The following ANO3 variants were observed in gnomAD, a reference collection of about 807,000 sequenced individuals.
ANO3 encodes the protein anoctamin 3, also known as anoctamin-3.
ANO3 carries 99 observed loss-of-function variants against 144.8 expected under a neutral mutation model. The observed-to-expected ratio is 0.68, with a 90% CI of 0.58 to 0.81. ANO3 has a LOEUF of 0.81. Ranked by LOEUF, ANO3 falls within the 30% of genes least tolerant of loss-of-function variation. The pLI is 0.00. For synonymous variants in ANO3, 414 were observed against 392.6 expected (o/e 1.05, Z -0.64); for missense variants, 905 against 1,202.2 (o/e 0.75, Z 3.66).
At chr11:26,206,086 G>A (rs967376379) in intron 1 of ANO3, among the ~76,000 whole-genome samples, 2 of 152,224 alleles carry the variant, frequency 1.3e-5, no homozygotes, top group East Asian at 3.9e-4. Context: ...GGATTTTATT[G>A]CAGATTTTGA....
At chr11:26,258,319 G>A (rs1011780485) in intron 1 of ANO3, among the ~76,000 whole-genome samples, 28 of 152,012 alleles carry the variant, frequency 1.8e-4, no homozygotes, top group South Asian at 8.3e-4. Context: ...TATTATAATC[G>A]TATTCACAAC....
chr11:26,521,119 G>A (rs1862055410), intron 6 of ANO3, among the ~76,000 whole-genome samples: 1 of 152,038 alleles, frequency 6.6e-6, no homozygotes, highest in African/African-American at 2.4e-5. Flanking sequence ...CATAATAAAG[G>A]AATGCTATTC....
chr11:26,255,950 T>C (rs1215604128), intron 1 of ANO3, among the ~76,000 whole-genome samples: 1 of 152,140 alleles, frequency 6.6e-6, no homozygotes, highest in Non-Finnish European at 1.5e-5. Context: ...ACCTCAGCCA[T>C]CTGCCAGTAG....
At chr11:26,274,093 G>GA (rs1853507155) in intron 1 of ANO3, among the ~76,000 whole-genome samples, 1 of 152,058 alleles carries the variant, frequency 6.6e-6, no homozygotes, top group Admixed American at 6.6e-5. Flanking sequence ...GGCAGAGAGT[G>GA]AAAATCTCTT....
chr11:26,225,300 C>T (rs1301384178), intron 1 of ANO3, among the ~76,000 whole-genome samples: 6 of 151,700 alleles, frequency 4.0e-5, no homozygotes, highest in Non-Finnish European at 8.8e-5. Context: ...AATAATAATA[C>T]AAGATTATAA....
At chr11:26,268,251 G>T (rs1377777479) in intron 1 of ANO3, among the ~76,000 whole-genome samples, 1 of 152,156 alleles carries the variant, frequency 6.6e-6, no homozygotes, top group Non-Finnish European at 1.5e-5. Flanking sequence ...TTGTTCGAAA[G>T]AAAGTCTAAG....
At chr11:26,435,513 C>T (rs1233950259) in intron 1 of ANO3, among the ~76,000 whole-genome samples, 1 of 152,168 alleles carries the variant, frequency 6.6e-6, no homozygotes, top group Non-Finnish European at 1.5e-5. Context: ...ATGTTTTCCT[C>T]ATCCCTTTTA....
intron 17 of ANO3, among the ~76,000 whole-genome samples, chr11:26,606,329 G>A (rs1851935285): frequency 6.6e-6 from 1 of 152,234 alleles, no homozygotes; most frequent in South Asian, 2.1e-4. Context: ...CATTTGCTGA[G>A]GAGTGTTTTA....
intron 1 of ANO3, among the ~76,000 whole-genome samples, chr11:26,349,873 A>T (rs1855595035): frequency 6.6e-6 from 1 of 152,190 alleles, no homozygotes; most frequent in Non-Finnish European, 1.5e-5. Context: ...GGAGCTAATG[A>T]GCCAGAGAAG....
intron 17 of ANO3, among the ~76,000 whole-genome samples, chr11:26,604,946 T>C (rs1313853268): frequency 1.3e-5 from 2 of 152,154 alleles, no homozygotes; most frequent in Admixed American, 1.3e-4. Context: ...GAACTTGCAA[T>C]ACTATGTTGA....
rs1243669536 is a variant in ANO3, at chr11:26,641,877, G to T, written c.2142-19G>T. The T allele has an allele frequency of 6.2e-7, 1 of 1,612,092 alleles. No individual in the cohort carries two copies. Among genetic ancestry groups the T allele is most frequent in the South Asian group, 1.1e-5 (1 of 90,664 alleles). ...CTTGAATCAGAGCTCAAAAGTCCTTGGTCTGCTCTGTGATGTAGGTTGATC... is the reference window on the plus strand; with the variant it reads ...CTTGAATCAGAGCTCAAAAGTCCTTTGTCTGCTCTGTGATGTAGGTTGATC... On this transcript the variant is annotated intron_variant, in intron 21 of 26. Transcript: ENST00000256737.
intron 1 of ANO3, among the ~76,000 whole-genome samples, chr11:26,425,179 G>T (rs191406835): frequency 2.0e-5 from 3 of 151,772 alleles, no homozygotes; most frequent in African/African-American, 7.3e-5. Flanking sequence ...TCTAGTTCAC[G>T]TTTTATTTTC....
intron 2 of ANO3, among the ~76,000 whole-genome samples, chr11:26,443,517 G>A (rs934978299): frequency 6.6e-6 from 1 of 152,110 alleles, no homozygotes; most frequent in Non-Finnish European, 1.5e-5. Context: ...CACGAGAATC[G>A]CTTGAACCCG....
chr11:26,317,118 G>A (rs758987753), intron 1 of ANO3, among the ~76,000 whole-genome samples: 1 of 151,990 alleles, frequency 6.6e-6, no homozygotes, highest in Non-Finnish European at 1.5e-5. Context: ...ACTAGTTCTG[G>A]GTAGCACACT....
chr11:26,212,502 A>C (rs1851955077), intron 1 of ANO3, among the ~76,000 whole-genome samples: 1 of 152,148 alleles, frequency 6.6e-6, no homozygotes, highest in South Asian at 2.1e-4. Context: ...AATACTATAA[A>C]TACCTCTATG....
intron 1 of ANO3, among the ~76,000 whole-genome samples, chr11:26,371,291 G>A (rs747554324): frequency 1.3e-5 from 2 of 152,244 alleles, no homozygotes; most frequent in Non-Finnish European, 2.9e-5. Context: ...GGTCCAGTGG[G>A]TGCACAAAAG....
intron 1 of ANO3, among the ~76,000 whole-genome samples, chr11:26,385,519 C>A (rs1856700027): frequency 6.6e-6 from 1 of 152,092 alleles, no homozygotes; most frequent in Non-Finnish European, 1.5e-5. Flanking sequence ...AGGCTGCTTG[C>A]ATTCCTGGCT....
chr11:26,662,441 C>T lies in ANO3; in HGVS notation c.*1997C>T, dbSNP rs1484557474. On this transcript the variant is annotated 3_prime_UTR_variant, in exon 27 of 27. Transcript: ENST00000256737. ...TTTGTTAGGTACATGTATACACCTG[C>T]CTGAGTATAAATACTCTCTCTACCT... 2 of 151,916 alleles carry T rather than the reference C, an allele frequency of 1.3e-5. No individual in the cohort carries two copies. Among genetic ancestry groups the T allele is most frequent in the African/African-American group, 2.4e-5 (1 of 41,382 alleles). 9.4% of individuals were successfully genotyped at this position (151,916 alleles called of 1,614,324 possible).
At chr11:26,416,729 T>C (rs1029723038) in intron 1 of ANO3, among the ~76,000 whole-genome samples, 4 of 152,028 alleles carry the variant, frequency 2.6e-5, no homozygotes, top group African/African-American at 9.7e-5. Flanking sequence ...CTCAAAATTT[T>C]CAGTGAAATT....
Sources: allele counts gnomAD v4.1 joint callset (sites outside exome capture counted in the v4.1 genomes callset), GRCh38; gene constraint gnomAD v4.1.1; transcripts MANE v1.5; gene names NCBI Gene and HGNC (gene_info 2026-07-23, HGNC 2026-07-21).